The following FOXP1 variants were observed in gnomAD, a reference collection of about 807,000 sequenced individuals.
FOXP1 encodes the protein forkhead box P1.
FOXP1 carries 15 observed loss-of-function variants against 98.2 expected under a neutral mutation model. The ratio of observed to expected loss-of-function variants is 0.15; its 90% confidence interval spans 0.10 to 0.24. The LOEUF (loss-of-function observed/expected upper bound fraction) is 0.24, where lower values mean the gene tolerates loss of function less well. Among genes scored for constraint, FOXP1 ranks in the 10% least tolerant of loss-of-function variants. The pLI, the probability that FOXP1 is intolerant of heterozygous loss-of-function variation, is 1.00. For missense variants in FOXP1, 633 were observed against 848.5 expected (o/e 0.75, Z 3.15); for synonymous variants, 371 against 314.5 (o/e 1.18, Z -1.90).
At chr3:71,487,783 G>C (rs183101773) in intron 3 of FOXP1, among the ~76,000 whole-genome samples, 3 of 152,350 alleles carry the variant, frequency 2.0e-5, no homozygotes, top group Non-Finnish European at 4.4e-5. Context: ...AAAAATGTGT[G>C]TATAATCCCG....
intron 6 of FOXP1, among the ~76,000 whole-genome samples, chr3:71,127,242 G>A (rs1178647197): frequency 6.6e-6 from 1 of 152,020 alleles, no homozygotes; most frequent in Non-Finnish European, 1.5e-5. Flanking sequence ...CAGGTTAACA[G>A]CAGGTTTCAA....
chr3:71,408,848 T>G (rs1264550802), intron 3 of FOXP1, among the ~76,000 whole-genome samples: 2 of 152,110 alleles, frequency 1.3e-5, no homozygotes, highest in Non-Finnish European at 2.9e-5. Flanking sequence ...ACCACTAAAT[T>G]GGCTAGAAAA....
chr3:71,148,876 T>C (rs779495767), intron 6 of FOXP1, among the ~76,000 whole-genome samples: 12 of 152,144 alleles, frequency 7.9e-5, no homozygotes, highest in African/African-American at 1.4e-4. Context: ...GAGAAGGTGG[T>C]ATATCTATAG....
intron 5 of FOXP1, among the ~76,000 whole-genome samples, chr3:71,255,646 G>A (rs1157648505): frequency 6.6e-6 from 1 of 152,162 alleles, no homozygotes; most frequent in Non-Finnish European, 1.5e-5. Context: ...CAAAAGAAAT[G>A]CATTCAACTA....
At chr3:71,185,199 A>C (rs1193858651) in intron 6 of FOXP1, among the ~76,000 whole-genome samples, 1 of 152,196 alleles carries the variant, frequency 6.6e-6, no homozygotes. Context: ...TCTCAAAAAA[A>C]AAAAGTATTA....
intron 6 of FOXP1, among the ~76,000 whole-genome samples, chr3:71,121,039 CTTTCT>C (rs1467272638): frequency 8.4e-5 from 8 of 95,038 alleles, no homozygotes; most frequent in Non-Finnish European, 1.5e-4. Flanking sequence ...TTTTTTCTTT[CTTTCT>C]TTTTTTTTTT....
At chr3:71,558,475 T>C (rs1412381774) in intron 2 of FOXP1, among the ~76,000 whole-genome samples, 1 of 152,034 alleles carries the variant, frequency 6.6e-6, no homozygotes, top group Non-Finnish European at 1.5e-5. Context: ...TTCTTTTTCT[T>C]GTTTTTGTTT....
chr3:71,490,665 C>T (rs571049158), intron 3 of FOXP1, among the ~76,000 whole-genome samples: 1 of 152,166 alleles, frequency 6.6e-6, no homozygotes, highest in South Asian at 2.1e-4. Context: ...TCCACTAGGC[C>T]TAAAAGAACA....
At chr3:71,157,062 C>G (rs1219390487) in intron 6 of FOXP1, among the ~76,000 whole-genome samples, 3 of 152,228 alleles carry the variant, frequency 2.0e-5, no homozygotes, top group Non-Finnish European at 4.4e-5. Flanking sequence ...GAGGAGCATA[C>G]ACTTCCAATG....
chr3:71,225,718 C>G (rs531341953), intron 5 of FOXP1, among the ~76,000 whole-genome samples: 151 of 152,346 alleles, frequency 9.9e-4, no homozygotes, highest in Non-Finnish European at 1.9e-3. Context: ...TGCCCACTTG[C>G]TTTCCCCTCC....
intron 6 of FOXP1, among the ~76,000 whole-genome samples, chr3:71,137,057 A>T (rs1375275271): frequency 6.6e-6 from 1 of 152,172 alleles, no homozygotes; most frequent in Non-Finnish European, 1.5e-5. Flanking sequence ...AGGGCAATTT[A>T]TCCTTTGGCA....
At chr3:71,283,350 C>A (rs967928355) in intron 5 of FOXP1, among the ~76,000 whole-genome samples, 1 of 152,002 alleles carries the variant, frequency 6.6e-6, no homozygotes, top group African/African-American at 2.4e-5. Context: ...GGTGCTCCCT[C>A]AAGTCCATAG....
At chr3:71,268,091 T>A (rs112776356) in intron 5 of FOXP1, among the ~76,000 whole-genome samples, 3 of 99,210 alleles carry the variant, frequency 3.0e-5, no homozygotes, top group Non-Finnish European at 5.8e-5. Flanking sequence ...TTTTCTTTTC[T>A]TTTTTTTTTT....
chr3:71,510,621 G>A (rs1359544161), intron 2 of FOXP1, among the ~76,000 whole-genome samples: 1 of 152,216 alleles, frequency 6.6e-6, no homozygotes, highest in Non-Finnish European at 1.5e-5. Context: ...TCCCAGTGCT[G>A]TAGTGAGCTC....
At chr3:71,501,799 G>A (rs865989700) in intron 2 of FOXP1, among the ~76,000 whole-genome samples, 3 of 152,068 alleles carry the variant, frequency 2.0e-5, no homozygotes, top group Non-Finnish European at 2.9e-5. Flanking sequence ...TTCTGAACTC[G>A]GTGTCTTTTA....
chr3:71,238,455 T>C (rs533653670), intron 5 of FOXP1, among the ~76,000 whole-genome samples: 2 of 152,178 alleles, frequency 1.3e-5, no homozygotes, highest in South Asian at 2.1e-4. Context: ...TGTGTGTGTC[T>C]ACAAGGAAAG....
intron 7 of FOXP1, among the ~76,000 whole-genome samples, chr3:71,082,663 AAC>A (rs2054581692): frequency 1.3e-5 from 2 of 152,132 alleles, no homozygotes; most frequent in African/African-American, 4.8e-5. Context: ...ACAAAAAAAA[AAC>A]AGACAAAAAT....
chr3:71,050,714 T>C (rs2049769936), intron 9 of FOXP1, among the ~76,000 whole-genome samples: 1 of 152,188 alleles, frequency 6.6e-6, no homozygotes, highest in Non-Finnish European at 1.5e-5. Flanking sequence ...TTGCACCTCC[T>C]TCATACCCCT....
At chr3:71,468,738 C>T (rs934047894) in intron 3 of FOXP1, among the ~76,000 whole-genome samples, 2 of 152,124 alleles carry the variant, frequency 1.3e-5, no homozygotes, top group Admixed American at 6.5e-5. Flanking sequence ...AGTCACTGGC[C>T]GTGACTCTTT....
Sources: gnomAD v4.1 joint callset for allele counts (sites outside exome capture counted in the v4.1 genomes callset) on GRCh38, gnomAD v4.1.1 for gene constraint, MANE v1.5 for transcripts, NCBI Gene and HGNC (gene_info 2026-07-23, HGNC 2026-07-21) for gene names.